ACAP1: variants seen among roughly 807,000 people sequenced by gnomAD.
The protein encoded by ACAP1 is ArfGAP with coiled-coil, ankyrin repeat and PH domains 1.
Under a neutral mutation model 98.8 loss-of-function variants are expected in ACAP1, and 45 were observed. The observed-to-expected ratio is 0.46, with a 90% CI of 0.36 to 0.58. The LOEUF (loss-of-function observed/expected upper bound fraction) is 0.58. ACAP1 is among the 20% of genes least tolerant of loss of function. The probability of loss-of-function intolerance (pLI) is 0.00; values close to 1 mark genes in which losing one functional copy is unlikely to be tolerated. For missense variants in ACAP1, 735 were observed against 971.4 expected (o/e 0.76, Z 3.24); for synonymous variants, 362 against 375.3 (o/e 0.96, Z 0.41).
At chr17:7,338,378 C>A (rs2073242258) in intron 2 of ACAP1, among the ~76,000 whole-genome samples, 1 of 152,038 alleles carries the variant, frequency 6.6e-6, no homozygotes, top group Non-Finnish European at 1.5e-5. Flanking sequence ...CTCAGCCTCC[C>A]AAGTAGCTGG....
At position 7,348,220 on chromosome 17, in the gene ACAP1, C is replaced by T. The variant is rs932309652; in HGVS notation, c.1507C>T (p.Arg503Trp). 15 of 1,613,294 alleles carry T rather than the reference C, an allele frequency of 9.3e-6. No individual in the cohort carries two copies. The highest frequency in any genetic ancestry group is 5.0e-5 in the Admixed American group (3 of 59,898). Residue 503 changes from arginine (R) to tryptophan (W), a missense_variant and splice_region_variant, in exon 16 of 22, where the codon CGG becomes TGG. Coordinates refer to ENST00000158762, the MANE Select transcript of ACAP1 (RefSeq NM_014716.4). ...GAAGAAACCAGGGCCCAGCTGCTCC[C>T]GGTGAGCTTGGGGTTTAGCCTCCCA... Reference protein sequence around the residue: ...AVKKPGPSCSRQEKEAWIHAK... With the variant: ...AVKKPGPSCSWQEKEAWIHAK...
intron 2 of ACAP1, among the ~76,000 whole-genome samples, chr17:7,339,870 C>T (rs2073258838): frequency 6.6e-6 from 1 of 152,082 alleles, no homozygotes; most frequent in African/African-American, 2.4e-5. Flanking sequence ...GATTTGTTCT[C>T]CATCTCTCTA....
intron 2 of ACAP1, among the ~76,000 whole-genome samples, chr17:7,340,841 G>A (rs890909368): frequency 5.9e-5 from 9 of 152,078 alleles, no homozygotes; most frequent in Admixed American, 2.0e-4. Flanking sequence ...GCAAAACTCC[G>A]TCTCAAAAAT....
Position 7,346,481 on chromosome 17 carries a change from T to G in ACAP1, c.997T>G (p.Ser333Ala). ...SERRFCFEVV[S>A]TSKSCLLQAD... The stretch of plus-strand genomic sequence containing the variant: ...AAGGCGGTTCTGCTTTGAGGTGGTG[T>G]CCACCAGCAAGTGAGTGCAATCCCC... The change falls in exon 12 of 22, where the codon TCC becomes GCC. Residue 333 changes from serine (S) to alanine (A), a missense_variant. Physicochemically the swap from Ser to Ala is moderately conservative, Grantham distance 99. This residue lies in a region of ACAP1 where 430 missense variants were observed against 531.8 expected (regional missense o/e 0.81). Coordinates refer to ENST00000158762, the MANE Select transcript of ACAP1 (RefSeq NM_014716.4). 6.2e-7 allele frequency: 1 copy of G among 1,607,402 alleles called. No individual in the cohort carries two copies. Among genetic ancestry groups the G allele is most frequent in the Non-Finnish European group, 8.5e-7 (1 of 1,176,942 alleles).
At chr17:7,349,195 C>T (rs2073378338) in intron 18 of ACAP1, 28 bp downstream of exon 18, 1 of 1,611,310 alleles carries the variant, frequency 6.2e-7, no homozygotes, top group Admixed American at 1.7e-5. Context: ...CTCTCCACCC[C>T]ACCCTAGGGC....
rs986893462 is a variant in ACAP1, at chr17:7,349,252, C to T, written c.1851+85C>T. The T allele has an allele frequency of 4.8e-6, 7 of 1,449,748 alleles. No homozygotes were observed. The Admixed American group carries it at 1.2e-4, about 24-fold the overall frequency. 89.8% of individuals were successfully genotyped at this position (1,449,748 alleles called of 1,614,324 possible). A position where few individuals can be genotyped will look rare whatever the true frequency, so the allele number is the denominator to read the frequency against. On this transcript the variant is annotated intron_variant, in intron 18 of 21. Coordinates refer to ENST00000158762, the MANE Select transcript of ACAP1 (RefSeq NM_014716.4). Reference sequence around the variant, plus strand: ...TGGGCCCTGCCCTTACCTCCTTTCCCCACCACCTGTTCCCTAGGGCTTCCA... The same window carrying T: ...TGGGCCCTGCCCTTACCTCCTTTCCTCACCACCTGTTCCCTAGGGCTTCCA...
In ACAP1 at chr17:7,350,862, G is replaced by A; in HGVS notation, c.2073-88G>A. On this transcript the variant is annotated intron_variant, in intron 20 of 21. Coordinates refer to ENST00000158762, the MANE Select transcript of ACAP1 (RefSeq NM_014716.4). The surrounding 1 kb of genome is among the most constrained non-coding windows in gnomAD (Gnocchi z 4.6). Reference sequence around the variant, plus strand: ...CCTGACCTCGTGATCCGCCTGCCTCGGCCTCCCAAAGTGTTGGGATTACAG... The same window carrying A: ...CCTGACCTCGTGATCCGCCTGCCTCAGCCTCCCAAAGTGTTGGGATTACAG... 4 of 1,318,892 alleles carry A rather than the reference G, an allele frequency of 3.0e-6. No individual in the cohort carries two copies. In the East Asian group the frequency reaches 9.3e-5, roughly 31 times the overall value. 81.7% of individuals were successfully genotyped at this position (1,318,892 alleles called of 1,614,324 possible).
Position 7,344,081 on chromosome 17 carries a change from G to C in ACAP1, c.702G>C (p.Glu234Asp). The change falls in exon 9 of 22, where the codon GAG (glutamate) becomes GAC (aspartate). Residue 234 changes from glutamate to aspartate, a missense_variant. Around this residue, in one of 5 missense-constraint regions of ACAP1, gnomAD observed 430 missense variants for 531.8 expected, o/e 0.81. Transcript: ENST00000158762. This position sits in a 1 kb window ranked among gnomAD's most constrained non-coding sequence, Gnocchi z 4.9. ...LHQLVLNSAREKRDMEQRHVL... is the reference protein window; with the variant it reads ...LHQLVLNSARDKRDMEQRHVL... ...AGCTGGTCTTGAATTCAGCACGAGA[G>C]AAGAGGGACATGGAGCAGAGACACG... 1.3e-6 allele frequency: 2 copies of C among 1,592,852 alleles called. No individual in the cohort carries two copies. Among genetic ancestry groups the C allele is most frequent in the Non-Finnish European group, 1.7e-6 (2 of 1,169,106 alleles).
chr17:7,351,441 G>C lies in ACAP1; in HGVS notation c.*46G>C. ...CGCCTGCCTCCCTTCCCCGCCACCGGGCCCTCTGCCATTAAAGCCTCCGTG... is the reference window on the plus strand; with the variant it reads ...CGCCTGCCTCCCTTCCCCGCCACCGCGCCCTCTGCCATTAAAGCCTCCGTG... On this transcript the variant is annotated 3_prime_UTR_variant, in exon 22 of 22. Transcript: ENST00000158762. 7.0e-7 allele frequency: 1 copy of C among 1,433,436 alleles called. No individual in the cohort carries two copies. Among genetic ancestry groups the C allele is most frequent in the Non-Finnish European group, 9.7e-7 (1 of 1,033,020 alleles). The allele number at this position is 1,433,436 out of a possible 1,614,324, so 88.8% of individuals were successfully genotyped here.
intron 18 of ACAP1, chr17:7,349,625 T>C: frequency 3.2e-6 from 1 of 308,350 alleles, no homozygotes. Flanking sequence ...TCCACCCGCC[T>C]CGGCCTCCCA....
intron 17 of ACAP1, 179 bp from the exon 18 acceptor site, chr17:7,348,816 T>TC: frequency 1.6e-6 from 1 of 620,598 alleles, no homozygotes; most frequent in Non-Finnish European, 2.8e-6. Context: ...TAGGGACTCG[T>TC]ACACATGCAT....
Position 7,346,378 on chromosome 17 carries a change from C to T in ACAP1, c.907-13C>T, listed in dbSNP as rs763020298. On this transcript the variant is annotated splice_polypyrimidine_tract_variant and intron_variant, in intron 11 of 21. Coordinates refer to ENST00000158762, the MANE Select transcript of ACAP1 (RefSeq NM_014716.4). ...AGCTGGACATCTGGCCCCTTATCAC[C>T]TTATCCTGCCAGGACCCTGTGACTG... The T allele has an allele frequency of 3.2e-5, 51 of 1,613,942 alleles. No homozygotes were observed. Among genetic ancestry groups the T allele is most frequent in the Non-Finnish European group, 3.6e-5 (42 of 1,179,914 alleles).
At chr17:7,348,602 C>A (rs756378240) in intron 17 of ACAP1, 127 bp downstream of exon 17, 14 of 1,076,048 alleles carry the variant, frequency 1.3e-5, no homozygotes, top group Admixed American at 3.3e-5. Flanking sequence ...ACCGGACTGC[C>A]GTTTCAGGGG....
At chr17:7,348,826 T>C (rs772142251) in intron 17 of ACAP1, 169 bp from the exon 18 acceptor site, 2 of 641,598 alleles carry the variant, frequency 3.1e-6, no homozygotes, top group Non-Finnish European at 5.4e-6. Context: ...TACACATGCA[T>C]ACGCATACTT....
Position 7,347,047 on chromosome 17 carries a change from C to G in ACAP1, c.1148C>G (p.Ala383Gly), listed in dbSNP as rs1567630851. The change falls in exon 14 of 22, where the codon GCC (alanine) becomes GGC (glycine). Residue 383 changes from alanine to glycine, a missense_variant. Physicochemically the swap from Ala to Gly is moderately conservative, Grantham distance 60. This residue lies in a region of ACAP1 where 430 missense variants were observed against 531.8 expected (regional missense o/e 0.81). Coordinates refer to ENST00000158762, the MANE Select transcript of ACAP1 (RefSeq NM_014716.4). Reference protein sequence around the residue: ...RGPGQGSGHLAIGSAATLGSG... With the variant: ...RGPGQGSGHLGIGSAATLGSG... ...CTCCCCCAGGGCTCAGGACACCTGG[C>G]CATAGGCTCTGCTGCCACCCTGGGC... 1 of 1,598,260 alleles carries G rather than the reference C, an allele frequency of 6.3e-7. No individual in the cohort carries two copies. The highest frequency in any genetic ancestry group is 1.3e-5 in the African/African-American group (1 of 74,740).
At position 7,343,956 on chromosome 17, in the gene ACAP1, G is replaced by C; in HGVS notation, c.669G>C (p.Gln223His). ...AGTATCGAAAGGAGCTGGGCGCCCA[G>C]GTGGGGCCCCAGGGCACAGCAGGTG... ...LSQYRKELGA[Q>H]LHQLVLNSAR... The change falls in exon 8 of 22, where the codon CAG (glutamine) becomes CAC (histidine). Residue 223 changes from glutamine to histidine, a missense_variant and splice_region_variant. By Grantham distance (24) the Gln-to-His change is conservative. This residue lies in a region of ACAP1 where 430 missense variants were observed against 531.8 expected (regional missense o/e 0.81). Coordinates refer to ENST00000158762, the MANE Select transcript of ACAP1 (RefSeq NM_014716.4). The surrounding 1 kb of genome is among the most constrained non-coding windows in gnomAD (Gnocchi z 4.9). The C allele has an allele frequency of 6.3e-7, 1 of 1,586,826 alleles. No individual in the cohort carries two copies. The highest frequency in any genetic ancestry group is 8.6e-7 in the Non-Finnish European group (1 of 1,165,954).
Position 7,343,111 on chromosome 17 carries a change from T to G in ACAP1, c.345-268T>G. On this transcript the variant is annotated intron_variant, in intron 5 of 21. Transcript: ENST00000158762. This position sits in a 1 kb window ranked among gnomAD's most constrained non-coding sequence, Gnocchi z 4.9. ...AAAAACAACAACAACAACAAAAATT[T>G]TTTAAAGGGGGAGTGAGATGGGAGA... is the stretch of plus-strand genomic sequence containing the variant. The G allele has an allele frequency of 2.6e-6, 1 of 383,694 alleles. No individual in the cohort carries two copies. The allele number at this position is 383,694 out of a possible 1,614,324, so 23.8% of individuals were successfully genotyped here. A position where few individuals can be genotyped will look rare whatever the true frequency, so the allele number is the denominator to read the frequency against.
chr17:7,337,860 A>G (rs2073237347), intron 2 of ACAP1, among the ~76,000 whole-genome samples: 1 of 151,898 alleles, frequency 6.6e-6, no homozygotes, highest in South Asian at 2.1e-4. Context: ...TGTCAAAAAA[A>G]AAAAGACTTA....
At chr17:7,337,510 CA>C in intron 2 of ACAP1, 141 bp downstream of exon 2, 3 of 750,130 alleles carry the variant, frequency 4.0e-6, no homozygotes, top group South Asian at 3.5e-5. Context: ...TGCAGAGAAG[CA>C]AAAAAGGTGG....
Sources: allele counts gnomAD v4.1 joint callset (sites outside exome capture counted in the v4.1 genomes callset), GRCh38; gene constraint gnomAD v4.1.1; regional missense constraint gnomAD v4.1.1; non-coding constraint Gnocchi (gnomAD v3.1); transcripts MANE v1.5; gene names NCBI Gene and HGNC (gene_info 2026-07-23, HGNC 2026-07-21).